Variants in THSD7B observed in about 807,000 individuals in gnomAD.
THSD7B encodes thrombospondin type 1 domain containing 7B.
A neutral mutation model predicts 213.6 loss-of-function variants in THSD7B; 138 were observed. The ratio of observed to expected loss-of-function variants is 0.65; its 90% CI spans 0.56 to 0.74. The LOEUF (loss-of-function observed/expected upper bound fraction) is 0.74. Ranked by LOEUF, THSD7B falls within the 30% of genes least tolerant of loss-of-function variation. The pLI, the probability that THSD7B is intolerant of heterozygous loss-of-function variation, is 0.00. For synonymous variants in THSD7B, 742 were observed against 687.0 expected (o/e 1.08, Z -1.25); for missense variants, 1,931 against 1,991.5 (o/e 0.97, Z 0.58).
rs528467000 is a variant in THSD7B at position 137,485,924 on chromosome 2, A to C, written c.3138+34901A>C. Among the ~76,000 whole-genome samples, 1,186 of 152,144 alleles carry C rather than the reference A, an allele frequency of 7.8e-3. 13 individuals are homozygous for C. Among genetic ancestry groups the C allele is most frequent in the African/African-American group, 0.026 (1,089 of 41,496 alleles). On this transcript the variant is annotated intron_variant, in intron 15 of 27. Transcript: ENST00000409968. ...TTCATAAGTGAAGGAGAAACAAAAT[A>C]CTTTACAGACAAGCAAATGCTGAGA...
intron 7 of THSD7B, among the ~76,000 whole-genome samples, chr2:137,201,068 C>T (rs538221682): frequency 3.3e-5 from 5 of 152,284 alleles, no homozygotes; most frequent in Admixed American, 6.5e-5. Context: ...TTCCAAGATT[C>T]ATCCAGGTTG....
At chr2:137,519,810 A>G (rs945386809) in intron 15 of THSD7B, among the ~76,000 whole-genome samples, 1 of 152,224 alleles carries the variant, frequency 6.6e-6, no homozygotes, top group African/African-American at 2.4e-5. Flanking sequence ...ATAATTTCAC[A>G]TTCTTCTTAG....
At chr2:137,579,520 A>G (rs1057048642) in intron 17 of THSD7B, among the ~76,000 whole-genome samples, 7 of 151,150 alleles carry the variant, frequency 4.6e-5, no homozygotes, top group Non-Finnish European at 8.9e-5. Context: ...GAGTACATGC[A>G]CACACACACG....
At chr2:137,662,795 C>G (rs1248914546) in intron 25 of THSD7B, among the ~76,000 whole-genome samples, 1 of 152,094 alleles carries the variant, frequency 6.6e-6, no homozygotes, top group Non-Finnish European at 1.5e-5. Flanking sequence ...TGGCTCACAC[C>G]TGTAATCCCA....
chr2:136,855,668 C>T (rs1683170324), intron 1 of THSD7B, among the ~76,000 whole-genome samples: 1 of 151,626 alleles, frequency 6.6e-6, no homozygotes. Context: ...GACGGGGTTT[C>T]ACCATGTTGG....
At chr2:137,147,800 T>C (rs1250976175) in intron 5 of THSD7B, among the ~76,000 whole-genome samples, 1 of 152,148 alleles carries the variant, frequency 6.6e-6, no homozygotes, top group East Asian at 1.9e-4. Flanking sequence ...TCTCACCTCT[T>C]TCTTACCGGA....
chr2:137,154,961 A>T (rs1051430135), intron 5 of THSD7B, among the ~76,000 whole-genome samples: 6 of 152,220 alleles, frequency 3.9e-5, no homozygotes, highest in Non-Finnish European at 8.8e-5. Context: ...GTGACTTTGC[A>T]ATCATTAGTA....
intron 21 of THSD7B, among the ~76,000 whole-genome samples, chr2:137,649,645 T>C (rs1488867219): frequency 1.3e-5 from 2 of 152,358 alleles, no homozygotes; most frequent in South Asian, 4.1e-4. Context: ...CATATAAGTC[T>C]GAGTTTTTTA....
chr2:137,590,618 C>A (rs1681842588), intron 17 of THSD7B, among the ~76,000 whole-genome samples: 1 of 151,976 alleles, frequency 6.6e-6, no homozygotes, highest in African/African-American at 2.4e-5. Context: ...CTCAATCACT[C>A]CTACTGTATA....
intron 20 of THSD7B, among the ~76,000 whole-genome samples, chr2:137,637,451 G>A (rs1230592387): frequency 6.6e-6 from 1 of 152,174 alleles, no homozygotes; most frequent in Non-Finnish European, 1.5e-5. Flanking sequence ...AATAGTTTTT[G>A]TTGAAGTTTA....
At chr2:137,090,017 AAAAAAAG>A (rs373759679) in intron 3 of THSD7B, among the ~76,000 whole-genome samples, 259 of 152,056 alleles carry the variant, frequency 1.7e-3, no homozygotes, top group South Asian at 0.011. Flanking sequence ...AAAAAAAAGT[AAAAAAAG>A]AAAAAAGAAA....
intron 5 of THSD7B, among the ~76,000 whole-genome samples, chr2:137,134,850 T>C (rs527925419): frequency 6.6e-6 from 1 of 152,290 alleles, no homozygotes; most frequent in South Asian, 2.1e-4. Flanking sequence ...TAGGATTTCA[T>C]TAACAGCAGT....
intron 12 of THSD7B, among the ~76,000 whole-genome samples, chr2:137,400,249 C>T (rs944455952): frequency 6.6e-6 from 1 of 151,854 alleles, no homozygotes; most frequent in Non-Finnish European, 1.5e-5. Flanking sequence ...GCATCTATTG[C>T]TGGTGGAGGA....
At chr2:137,076,025 C>T (rs542222137) in intron 3 of THSD7B, among the ~76,000 whole-genome samples, 75 of 152,282 alleles carry the variant, frequency 4.9e-4, no homozygotes, top group African/African-American at 1.7e-3. Context: ...TTAGGCTACT[C>T]GGGGGTCAGG....
At chr2:137,145,530 A>G (rs1202577960) in intron 5 of THSD7B, among the ~76,000 whole-genome samples, 8 of 152,012 alleles carry the variant, frequency 5.3e-5, no homozygotes, top group Admixed American at 5.3e-4. Context: ...TGAGTTCATT[A>G]TTGTAAAGAT....
chr2:137,318,017 A>G (rs1684166855), intron 12 of THSD7B, among the ~76,000 whole-genome samples: 1 of 152,194 alleles, frequency 6.6e-6, no homozygotes, highest in Non-Finnish European at 1.5e-5. Context: ...TAGTTACATC[A>G]TACATCTGTT....
chr2:137,550,128 A>T (rs1680817710), intron 15 of THSD7B, among the ~76,000 whole-genome samples: 1 of 151,892 alleles, frequency 6.6e-6, no homozygotes. Flanking sequence ...CTCTCACTCT[A>T]CTTGCTGTGA....
intron 2 of THSD7B, among the ~76,000 whole-genome samples, chr2:136,975,649 A>C (rs1257824565): frequency 6.6e-6 from 1 of 151,968 alleles, no homozygotes; most frequent in Non-Finnish European, 1.5e-5. Flanking sequence ...TTTTTTCTTA[A>C]GGTTGTCTTG....
intron 9 of THSD7B, among the ~76,000 whole-genome samples, chr2:137,241,577 T>TA (rs1371209230): frequency 1.3e-5 from 2 of 152,222 alleles, no homozygotes; most frequent in Non-Finnish European, 2.9e-5. Context: ...GGCTGTCATA[T>TA]GTTGCTTCTT....
Sources: allele counts gnomAD v4.1 joint callset (sites outside exome capture counted in the v4.1 genomes callset), GRCh38; gene constraint gnomAD v4.1.1; transcripts MANE v1.5; gene names NCBI Gene and HGNC (gene_info 2026-07-23, HGNC 2026-07-21).